STARD13: variants seen among roughly 807,000 people sequenced by gnomAD.
STARD13 encodes the protein StAR related lipid transfer domain containing 13, also known as stAR-related lipid transfer protein 13.
A neutral mutation model predicts 106.4 loss-of-function variants in STARD13; 62 were observed. That is an observed-to-expected ratio of 0.58 (90% CI 0.48 to 0.72). The LOEUF is 0.72. STARD13 is among the 30% of genes least tolerant of loss of function. The pLI, the probability that STARD13 is intolerant of heterozygous loss-of-function variation, is 0.00. For missense variants in STARD13, 1,387 were observed against 1,424.0 expected (o/e 0.97, Z 0.42); for synonymous variants, 565 against 553.0 (o/e 1.02, Z -0.31).
the STARD13 span, among the ~76,000 whole-genome samples, chr13:33,501,573 G>A: frequency 6.6e-6 from 1 of 152,148 alleles, no homozygotes; most frequent in Admixed American, 6.5e-5. Context: ...AAGGTGTAAG[G>A]AAGGGATCCA....
chr13:33,195,362 GA>G lies in STARD13; in HGVS notation c.170-27741del, dbSNP rs1886538412. Among the ~76,000 whole-genome samples, 3 of 152,264 alleles carry G rather than the reference GA, an allele frequency of 2.0e-5. No homozygotes were observed. In the South Asian group the frequency reaches 6.2e-4, roughly 32 times the overall value. On this transcript the variant is annotated intron_variant, in intron 1 of 13. Coordinates refer to ENST00000336934, the MANE Select transcript of STARD13 (RefSeq NM_178006.4). Reference sequence around the variant, plus strand: ...AACTAAAGTTGAAGTTTTGTAGCGGGAAAAATACAAAGTGAACATCTCTAGG... The same window carrying G: ...AACTAAAGTTGAAGTTTTGTAGCGGGAAAATACAAAGTGAACATCTCTAGG...
At chr13:33,669,337 C>T in the STARD13 span, among the ~76,000 whole-genome samples, 52 of 152,222 alleles carry the variant, frequency 3.4e-4, no homozygotes, top group African/African-American at 1.2e-3. Flanking sequence ...AGGCCGGCTT[C>T]TCTGATTTTC....
the STARD13 span, among the ~76,000 whole-genome samples, chr13:33,632,116 T>C: frequency 3.0e-3 from 458 of 152,328 alleles, 6 homozygotes; most frequent in African/African-American, 0.011. Context: ...AGTGATACTA[T>C]CCATCTATAG....
At chr13:33,201,976 T>A (rs1041638568) in intron 1 of STARD13, among the ~76,000 whole-genome samples, 2 of 151,808 alleles carry the variant, frequency 1.3e-5, no homozygotes, top group African/African-American at 4.9e-5. Context: ...TATTTATAAA[T>A]AATATCATGC....
At chr13:33,118,346 G>T in intron 7 of STARD13, 83 bp from the exon 8 acceptor site, 1 of 1,213,420 alleles carries the variant, frequency 8.2e-7, no homozygotes, top group South Asian at 1.2e-5. Context: ...GGAACTGGAT[G>T]AGCTGGAATT....
intron 1 of STARD13, among the ~76,000 whole-genome samples, chr13:33,303,149 G>T (rs538589160): frequency 6.6e-6 from 1 of 152,186 alleles, no homozygotes; most frequent in South Asian, 2.1e-4. Flanking sequence ...TCATGTGTAC[G>T]CCACCTACTC....
the STARD13 span, among the ~76,000 whole-genome samples, chr13:33,652,653 A>G: frequency 1.3e-5 from 2 of 152,238 alleles, no homozygotes; most frequent in Non-Finnish European, 2.9e-5. Context: ...TACACATGAA[A>G]TTAATGAGTC....
the STARD13 span, among the ~76,000 whole-genome samples, chr13:33,544,752 T>C: frequency 6.6e-6 from 1 of 150,718 alleles, no homozygotes; most frequent in Non-Finnish European, 1.5e-5. Flanking sequence ...ATGGTTTTGT[T>C]TTTTTGTTGT....
At chr13:33,602,467 A>G in the STARD13 span, among the ~76,000 whole-genome samples, 1 of 152,216 alleles carries the variant, frequency 6.6e-6, no homozygotes, top group Non-Finnish European at 1.5e-5. Flanking sequence ...AAGCAGGAAA[A>G]GAAAGCCAGA....
At chr13:33,571,806 T>A in the STARD13 span, among the ~76,000 whole-genome samples, 1 of 152,148 alleles carries the variant, frequency 6.6e-6, no homozygotes, top group African/African-American at 2.4e-5. Flanking sequence ...TATAACTGGA[T>A]GCTATGAAGT....
At chr13:33,444,915 T>C in the STARD13 span, among the ~76,000 whole-genome samples, 122 of 152,332 alleles carry the variant, frequency 8.0e-4, no homozygotes, top group East Asian at 7.1e-3. Context: ...TAAAAACATC[T>C]TAGGTATTTA....
chr13:33,302,613 C>T (rs1892762764), intron 1 of STARD13, among the ~76,000 whole-genome samples: 1 of 152,060 alleles, frequency 6.6e-6, no homozygotes, highest in Non-Finnish European at 1.5e-5. Flanking sequence ...GGCCATGTTG[C>T]CCACTCTGGT....
At chr13:33,168,840 C>A (rs1376861717) in intron 1 of STARD13, among the ~76,000 whole-genome samples, 1 of 152,170 alleles carries the variant, frequency 6.6e-6, no homozygotes, top group Non-Finnish European at 1.5e-5. Context: ...GGAAAATAGA[C>A]CAAAGGCCAG....
intron 3 of STARD13, among the ~76,000 whole-genome samples, chr13:33,164,946 G>A (rs953469989): frequency 1.3e-5 from 2 of 152,136 alleles, no homozygotes; most frequent in Non-Finnish European, 2.9e-5. Flanking sequence ...CACATGCTGA[G>A]CCTGCTCATG....
intron 1 of STARD13, among the ~76,000 whole-genome samples, chr13:33,271,766 G>T (rs564357605): frequency 9.9e-5 from 15 of 152,108 alleles, no homozygotes; most frequent in South Asian, 2.1e-4. Context: ...GCAACATGAG[G>T]GGTTGGTGAG....
chr13:33,199,029 A>G (rs2138083286), intron 1 of STARD13, among the ~76,000 whole-genome samples: 1 of 152,258 alleles, frequency 6.6e-6, no homozygotes, highest in Middle Eastern at 3.4e-3. Context: ...GCTGAGGTTC[A>G]CTCATCTATT....
intron 5 of STARD13, among the ~76,000 whole-genome samples, chr13:33,128,208 C>CAGAGAG (rs151171071): frequency 1.3e-5 from 2 of 149,588 alleles, no homozygotes; most frequent in African/African-American, 4.9e-5. Flanking sequence ...GAGCAAGAAA[C>CAGAGAG]AGAGAGAGAG....
chr13:33,443,481 C>A, the STARD13 span, among the ~76,000 whole-genome samples: 1 of 149,944 alleles, frequency 6.7e-6, no homozygotes, highest in African/African-American at 2.5e-5. Context: ...ACTAGAAGCA[C>A]ACACTCTATT....
intron 1 of STARD13, among the ~76,000 whole-genome samples, chr13:33,303,195 T>A (rs890068760): frequency 6.6e-6 from 1 of 152,212 alleles, no homozygotes. Context: ...ATTTCTGGCA[T>A]AGTCATTGGG....
Sources: allele counts gnomAD v4.1 joint callset (sites outside exome capture counted in the v4.1 genomes callset), GRCh38; gene constraint gnomAD v4.1.1; transcripts MANE v1.5; gene names NCBI Gene and HGNC (gene_info 2026-07-23, HGNC 2026-07-21).